Variants in RAD50 observed in about 807,000 individuals in gnomAD.
RAD50 encodes the protein DNA repair protein RAD50.
Under a neutral mutation model 168.8 loss-of-function variants are expected in RAD50, and 132 were observed. The ratio of observed to expected loss-of-function variants is 0.78; its 90% CI spans 0.68 to 0.90. RAD50 has a LOEUF of 0.90. Ranked by LOEUF, RAD50 falls within the 40% of genes least tolerant of loss-of-function variation. The pLI is 0.00. For synonymous variants in RAD50, 525 were observed against 497.4 expected (o/e 1.06, Z -0.74); for missense variants, 1,347 against 1,534.4 (o/e 0.88, Z 2.04).
chr5:132,629,777 G>A (rs1035614106), intron 21 of RAD50, among the ~76,000 whole-genome samples: 6 of 152,182 alleles, frequency 3.9e-5, no homozygotes, highest in African/African-American at 1.4e-4. Flanking sequence ...GAAGTCAGCA[G>A]TGCATTTTCA....
In RAD50 at chr5:132,598,806, G is replaced by A. The variant is rs147127080; in HGVS notation, c.2207+2996G>A. 2.0e-5 allele frequency among the ~76,000 whole-genome samples: 3 copies of A among 152,336 alleles called. No individual in the cohort carries two copies. In the East Asian group the frequency reaches 5.8e-4, roughly 29 times the overall value. On this transcript the variant is annotated intron_variant, in intron 13 of 24. Coordinates refer to ENST00000378823, the MANE Select transcript of RAD50 (RefSeq NM_005732.4). ...AGTATTCCATGAACAGGAAGTAGAA[G>A]CTGCAAGTCCTTTAAGGCCTAGACC...
intron 16 of RAD50, among the ~76,000 whole-genome samples, chr5:132,606,808 G>C (rs546431378): frequency 6.6e-6 from 1 of 152,276 alleles, no homozygotes; most frequent in Admixed American, 6.5e-5. Flanking sequence ...TGCAAGGCTG[G>C]TTCAACATAT....
At position 132,642,249 on chromosome 5, in the gene RAD50, A is replaced by G. The variant is rs372924978; in HGVS notation, c.3824A>G (p.Glu1275Gly). ...LVITHDEDFV[E>G]LLGRSEYVEK... ...ATCACTCATGATGAAGATTTTGTGG[A>G]GCTTTTAGGACGTTCTGAATATGTG... The change falls in exon 25 of 25, where the codon GAG becomes GGG. Residue 1275 changes from glutamate to glycine, a missense_variant. Physicochemically the swap from Glu to Gly is moderately conservative, Grantham distance 98 (BLOSUM62 -2). This residue lies in a region of RAD50 where 635 missense variants were observed against 739.2 expected (regional missense o/e 0.86). Coordinates refer to ENST00000378823, the MANE Select transcript of RAD50 (RefSeq NM_005732.4). 65 of 1,614,028 alleles carry G rather than the reference A, an allele frequency of 4.0e-5. No homozygotes were observed. The highest frequency in any genetic ancestry group is 4.9e-5 in the Non-Finnish European group (58 of 1,179,992).
At chr5:132,636,124 G>A (rs1018199782) in intron 21 of RAD50, among the ~76,000 whole-genome samples, 4 of 152,114 alleles carry the variant, frequency 2.6e-5, no homozygotes, top group Non-Finnish European at 5.9e-5. Context: ...GAAGTAAGTC[G>A]CCTCACATCC....
At chr5:132,627,078 G>A (rs766126119) in intron 21 of RAD50, among the ~76,000 whole-genome samples, 1 of 152,004 alleles carries the variant, frequency 6.6e-6, no homozygotes, top group Non-Finnish European at 1.5e-5. Context: ...ACGAGGTTTC[G>A]CCATGATGAC....
intron 2 of RAD50, among the ~76,000 whole-genome samples, chr5:132,559,725 A>G (rs1442439138): frequency 6.6e-6 from 1 of 152,126 alleles, no homozygotes; most frequent in Non-Finnish European, 1.5e-5. Flanking sequence ...AAGTGCATGA[A>G]CACTTTAGTA....
intron 21 of RAD50, among the ~76,000 whole-genome samples, chr5:132,624,344 A>C (rs925274790): frequency 6.6e-6 from 1 of 152,228 alleles, no homozygotes; most frequent in African/African-American, 2.4e-5. Flanking sequence ...ATTCTTGCCC[A>C]GTAGACTACA....
chr5:132,607,063 T>A (rs554556855), intron 16 of RAD50, among the ~76,000 whole-genome samples: 1 of 152,126 alleles, frequency 6.6e-6, no homozygotes, highest in Non-Finnish European at 1.5e-5. Context: ...CCAGCTATTA[T>A]GAGGATCAAA....
rs878854803 is a variant in RAD50, at chr5:132,642,355, T to C, written c.3930T>C (p.Asn1310=). 8 of 1,613,218 alleles carry C rather than the reference T, an allele frequency of 5.0e-6. No individual in the cohort carries two copies. The highest frequency in any genetic ancestry group is 6.8e-6 in the Non-Finnish European group (8 of 1,179,364). ...VKCSVSSLGF[N]VH ...GCAGTGTTAGCTCCCTGGGATTCAA[T>C]GTTCATTAAAAATATCCAAGATTTA... Residue 1310 remains asparagine (N), a synonymous_variant, in exon 25 of 25, where the codon AAT becomes AAC. Coordinates refer to ENST00000378823, the MANE Select transcript of RAD50 (RefSeq NM_005732.4).
intron 23 of RAD50, among the ~76,000 whole-genome samples, chr5:132,639,995 ACT>A (rs1751682113): frequency 6.6e-6 from 1 of 151,970 alleles, no homozygotes; most frequent in South Asian, 2.1e-4. Context: ...GAATAGCCCT[ACT>A]CTCTCAATTC....
In RAD50 at chr5:132,619,080, T is replaced by G. The variant is rs77672477; in HGVS notation, c.3389+786T>G. On this transcript the variant is annotated intron_variant, in intron 21 of 24. Coordinates refer to ENST00000378823, the MANE Select transcript of RAD50 (RefSeq NM_005732.4). ...TGTTTATGGCCGTAGTTGATTCATT[T>G]TCACTGATGTACATAATCTACTATG... is the stretch of plus-strand genomic sequence containing the variant. Among the ~76,000 whole-genome samples the G allele has an allele frequency of 3.9e-3, 593 of 152,352 alleles. 1 individual carries two copies. Among genetic ancestry groups the G allele is most frequent in the African/African-American group, 0.013 (547 of 41,580 alleles).
At position 132,575,626 on chromosome 5, in the gene RAD50, A is replaced by G. The variant is rs79247637; in HGVS notation, c.214-151A>G. ...TAAATTAATTAAACAGTATTCTTCT[A>G]TATTTTGGATAGCATGTAAAAATAT... On this transcript the variant is annotated intron_variant, in intron 2 of 24. Coordinates refer to ENST00000378823, the MANE Select transcript of RAD50 (RefSeq NM_005732.4). 1.8e-3 allele frequency: 1,277 copies of G among 717,512 alleles called. 29 individuals carry two copies. In the East Asian group the frequency reaches 0.034, roughly 19 times the overall value. 44.4% of individuals were successfully genotyped at this position (717,512 alleles called of 1,614,324 possible). A position where few individuals can be genotyped will look rare whatever the true frequency, so the allele number is the denominator to read the frequency against.
chr5:132,595,799 T>A lies in RAD50; in HGVS notation c.2196T>A (p.Leu732=), dbSNP rs786201361. ...AGCGGCGTGATGAAATGCTGGGACT[T>A]GTGCCCATGAGGTAAGAATGGGATT... ...KEKRRDEMLG[L]VPMRQSIIDL... Residue 732 remains leucine (L), a synonymous_variant, in exon 13 of 25, where the codon CTT becomes CTA. Transcript: ENST00000378823. 3 of 1,605,276 alleles carry A rather than the reference T, an allele frequency of 1.9e-6. No individual in the cohort carries two copies. The highest frequency in any genetic ancestry group is 2.6e-6 in the Non-Finnish European group (3 of 1,174,908).
At chr5:132,587,837 A>G (rs1750621675) in intron 6 of RAD50, 87 bp from the exon 7 acceptor site, 5 of 1,544,344 alleles carry the variant, frequency 3.2e-6, no homozygotes, top group Middle Eastern at 1.7e-4. Context: ...AGGATATTGA[A>G]TAAGGTTTGG....
In RAD50 at chr5:132,640,743, G is replaced by C. The variant is rs1561660969; in HGVS notation, c.3690G>C (p.Leu1230Phe). ...TFCLNCGIIA[L>F]DEPTTNLDRE... Reference sequence around the variant, plus strand: ...GCCTCAACTGTGGCATCATTGCCTTGGATGAGCCAACAACAAATCTTGACC... The same window carrying C: ...GCCTCAACTGTGGCATCATTGCCTTCGATGAGCCAACAACAAATCTTGACC... The change falls in exon 24 of 25, where the codon TTG becomes TTC. Residue 1230 changes from leucine (L) to phenylalanine (F), a missense_variant. Around this residue, in one of 3 missense-constraint regions of RAD50, gnomAD observed 635 missense variants for 739.2 expected, o/e 0.86. Coordinates refer to ENST00000378823, the MANE Select transcript of RAD50 (RefSeq NM_005732.4). 6.2e-7 allele frequency: 1 copy of C among 1,614,146 alleles called. No homozygotes were observed. The highest frequency in any genetic ancestry group is 8.5e-7 in the Non-Finnish European group (1 of 1,180,020).
intron 5 of RAD50, among the ~76,000 whole-genome samples, chr5:132,583,513 C>T (rs979687822): frequency 5.9e-5 from 9 of 152,046 alleles, no homozygotes; most frequent in Non-Finnish European, 1.2e-4. Context: ...AAAAAGTTCT[C>T]TCAAAGTCCT....
intron 11 of RAD50, among the ~76,000 whole-genome samples, chr5:132,594,488 G>C (rs1011684909): frequency 6.6e-6 from 1 of 152,288 alleles, no homozygotes; most frequent in African/African-American, 2.4e-5. Context: ...TTACAGGAGA[G>C]TAAGGAAGTA....
At chr5:132,620,354 T>G (rs114682047) in intron 21 of RAD50, among the ~76,000 whole-genome samples, 1,532 of 152,338 alleles carry the variant, frequency 0.01, 28 homozygotes, top group African/African-American at 0.035. Flanking sequence ...TGACCTACAG[T>G]GTCATTTCTG....
intron 21 of RAD50, among the ~76,000 whole-genome samples, chr5:132,632,889 A>G (rs1751501432): frequency 6.6e-6 from 1 of 152,156 alleles, no homozygotes; most frequent in South Asian, 2.1e-4. Context: ...CCTCTTTACT[A>G]GTGAAGTTAA....
Sources: allele counts gnomAD v4.1 joint callset (sites outside exome capture counted in the v4.1 genomes callset), GRCh38; gene constraint gnomAD v4.1.1; regional missense constraint gnomAD v4.1.1; transcripts MANE v1.5; gene names NCBI Gene and HGNC (gene_info 2026-07-23, HGNC 2026-07-21).